EFTUD2: variants seen among roughly 807,000 people sequenced by gnomAD.
The protein encoded by EFTUD2 is elongation factor Tu GTP binding domain containing 2.
Under a neutral mutation model 114.3 loss-of-function variants are expected in EFTUD2, and 9 were observed. That is an observed-to-expected ratio of 0.08 (90% CI 0.05 to 0.14). The LOEUF (loss-of-function observed/expected upper bound fraction) is 0.14, where lower values mean the gene tolerates loss of function less well. EFTUD2 is among the 10% of genes least tolerant of loss of function. EFTUD2 has a pLI of 1.00. For synonymous variants in EFTUD2, 449 were observed against 462.3 expected, an observed-to-expected ratio of 0.97 and a Z score of 0.37; for missense variants, 765 against 1,241.2, an observed-to-expected ratio of 0.62 and a Z score of 5.76.
chr17:44,894,726 T>C (rs964254012), intron 1 of EFTUD2, among the ~76,000 whole-genome samples: 2 of 152,164 alleles, frequency 1.3e-5, no homozygotes, highest in African/African-American at 2.4e-5. Flanking sequence ...TCTATTTATG[T>C]AGTCTTCCCT....
At chr17:44,886,311 T>C (rs867919742) in intron 3 of EFTUD2, among the ~76,000 whole-genome samples, 2 of 152,152 alleles carry the variant, frequency 1.3e-5, no homozygotes, top group Non-Finnish European at 2.9e-5. Context: ...TGGAAAAACA[T>C]ATCAGGCCAC....
chr17:44,859,732 A>T, intron 18 of EFTUD2, 173 bp downstream of exon 18: 1 of 1,025,674 alleles, frequency 9.7e-7, no homozygotes. Context: ...ACATACACAC[A>T]CACACGTGTC....
Position 44,854,784 on chromosome 17 carries a change from C to A in EFTUD2, c.2133-102G>T, listed in dbSNP as rs2050517155. 6.3e-7 allele frequency: 1 copy of A among 1,575,026 alleles called. No homozygotes were observed. The highest frequency in any genetic ancestry group is 8.7e-7 in the Non-Finnish European group (1 of 1,152,722). On this transcript the variant is annotated intron_variant, in intron 21 of 27. Transcript: ENST00000426333. This position sits in a 1 kb window ranked among gnomAD's most constrained non-coding sequence, Gnocchi z 4.3. ...CTGGAAGACAGTCACTTCATCCTAC[C>A]CACTGTGCCCAGAACAAGAGCAAAG...
At chr17:44,876,163 A>G in intron 9 of EFTUD2, 63 bp from the exon 10 acceptor site, 1 of 1,543,960 alleles carries the variant, frequency 6.5e-7, no homozygotes, top group African/African-American at 1.4e-5. Flanking sequence ...TTCAAAGCAG[A>G]ACCAAAGAAG....
chr17:44,881,924 G>A, intron 6 of EFTUD2: 2 of 547,740 alleles, frequency 3.7e-6, no homozygotes, highest in Non-Finnish European at 3.2e-6. Context: ...GTGTGTGGAG[G>A]GATTTTTTTA....
At chr17:44,876,591 G>A (rs963508325) in intron 9 of EFTUD2, among the ~76,000 whole-genome samples, 41 of 152,144 alleles carry the variant, frequency 2.7e-4, no homozygotes, top group Admixed American at 6.5e-5. Flanking sequence ...AGTGGCTCAT[G>A]CCTGTAATTC....
chr17:44,852,406 C>T lies in EFTUD2; in HGVS notation c.2715+3G>A, dbSNP rs1423284766. Reference sequence around the variant, plus strand: ...AGTCCGCCAGCCTGCATTGCTTTCTCACCTGCCAGTGGTGGAAGACAGACA... The same window carrying T: ...AGTCCGCCAGCCTGCATTGCTTTCTTACCTGCCAGTGGTGGAAGACAGACA... On this transcript the variant is annotated splice_donor_region_variant and intron_variant, in intron 26 of 27. Coordinates refer to ENST00000426333, the MANE Select transcript of EFTUD2 (RefSeq NM_004247.4). 1 of 1,613,768 alleles carries T rather than the reference C, an allele frequency of 6.2e-7. No homozygotes were observed. The highest frequency in any genetic ancestry group is 8.5e-7 in the Non-Finnish European group (1 of 1,179,994).
intron 19 of EFTUD2, among the ~76,000 whole-genome samples, chr17:44,858,027 T>C (rs956799438): frequency 2.7e-5 from 4 of 148,640 alleles, no homozygotes; most frequent in African/African-American, 9.9e-5. Flanking sequence ...TTTCAAACAA[T>C]TATCCTGTCT....
intron 11 of EFTUD2, among the ~76,000 whole-genome samples, chr17:44,868,851 G>A (rs954058686): frequency 1.3e-5 from 2 of 152,128 alleles, no homozygotes; most frequent in Non-Finnish European, 2.9e-5. Context: ...CAGCCCTCTC[G>A]AGAGAAAACA....
At position 44,857,110 on chromosome 17, in the gene EFTUD2, G is replaced by A. The variant is rs2050571568; in HGVS notation, c.2010C>T (p.Ser670=). The change falls in exon 20 of 28, where the codon TCC becomes TCT. Residue 670 remains serine (S), a synonymous_variant. Transcript: ENST00000426333. ...VTFCETVVET[S]SLKCFAETPN... is the part of the protein sequence containing the mutation. Reference sequence around the variant, plus strand: ...GCGTTTCAGCAAAGCACTTGAGGGAGGATGTTTCCACCACCGTCTCACAAA... The same window carrying A: ...GCGTTTCAGCAAAGCACTTGAGGGAAGATGTTTCCACCACCGTCTCACAAA... 1 of 1,613,996 alleles carries A rather than the reference G, an allele frequency of 6.2e-7. No homozygotes were observed. The highest frequency in any genetic ancestry group is 1.1e-5 in the South Asian group (1 of 91,068).
rs747182001 is a variant in EFTUD2 at position 44,875,968 on chromosome 17, G to A, written c.835C>T (p.Arg279Cys). Residue 279 changes from arginine to cysteine, a missense_variant, in exon 10 of 28, where the codon CGC becomes TGC. Arg to Cys is a radical substitution (Grantham distance 180). This residue lies in a region of EFTUD2 where 251 missense variants were observed against 357.7 expected (regional missense o/e 0.70). Transcript: ENST00000426333. Reference sequence around the variant, plus strand: ...CCATTGACCTCATCCACAATGTGGCGCAGCTTGTAATAAGCATCAGTTGGA... The same window carrying A: ...CCATTGACCTCATCCACAATGTGGCACAGCTTGTAATAAGCATCAGTTGGA... ...LPPTDAYYKL[R>C]HIVDEVNGLI... 1.9e-6 allele frequency: 3 copies of A among 1,613,908 alleles called. No homozygotes were observed. Among genetic ancestry groups the A allele is most frequent in the African/African-American group, 1.3e-5 (1 of 74,896 alleles).
chr17:44,888,570 C>T (rs1357169013), intron 2 of EFTUD2, among the ~76,000 whole-genome samples: 2 of 152,078 alleles, frequency 1.3e-5, no homozygotes, highest in Non-Finnish European at 2.9e-5. Context: ...GTGGTGGTGG[C>T]TTGGAGTAGA....
chr17:44,864,571 G>C (rs1038276441), intron 14 of EFTUD2, among the ~76,000 whole-genome samples: 1 of 152,082 alleles, frequency 6.6e-6, no homozygotes, highest in Non-Finnish European at 1.5e-5. Flanking sequence ...AACTAACCAA[G>C]TCTCCCAAGT....
intron 19 of EFTUD2, among the ~76,000 whole-genome samples, chr17:44,858,803 G>C (rs1043559838): frequency 3.9e-5 from 6 of 151,996 alleles, no homozygotes; most frequent in African/African-American, 1.5e-4. Context: ...GCTCAGGTTG[G>C]TCTTGAATTC....
intron 4 of EFTUD2, 52 bp from the exon 5 acceptor site, chr17:44,883,776 G>A (rs1165049334): frequency 1.9e-6 from 3 of 1,570,964 alleles, no homozygotes; most frequent in East Asian, 2.2e-5. Flanking sequence ...GTTTCCAAAT[G>A]AGGAGTGGTG....
intron 5 of EFTUD2, 169 bp downstream of exon 5, chr17:44,883,480 G>A: frequency 1.5e-6 from 1 of 679,600 alleles, no homozygotes; most frequent in Non-Finnish European, 2.5e-6. Flanking sequence ...CCTGCTGCTT[G>A]GGAAAAGCCA....
At chr17:44,889,163 C>T (rs1026026171) in intron 2 of EFTUD2, among the ~76,000 whole-genome samples, 5 of 152,074 alleles carry the variant, frequency 3.3e-5, no homozygotes, top group Non-Finnish European at 4.4e-5. Flanking sequence ...CTGGGACAGA[C>T]GGATGCAGGC....
intron 10 of EFTUD2, 109 bp downstream of exon 10, chr17:44,875,825 A>G: frequency 7.0e-7 from 1 of 1,421,412 alleles, no homozygotes; most frequent in Non-Finnish European, 9.6e-7. Context: ...TTTGCCCAAC[A>G]AACTCATCAA....
chr17:44,883,260 G>A, intron 5 of EFTUD2, 102 bp from the exon 6 acceptor site: 1 of 1,022,688 alleles, frequency 9.8e-7, no homozygotes, highest in African/African-American at 1.6e-5. Context: ...GATAAGGAGA[G>A]AAAAAGGAGA....
Sources: gnomAD v4.1 joint callset for allele counts (sites outside exome capture counted in the v4.1 genomes callset) on GRCh38, gnomAD v4.1.1 for gene constraint, gnomAD v4.1.1 regional missense constraint, Gnocchi (gnomAD v3.1) non-coding constraint, MANE v1.5 for transcripts, NCBI Gene and HGNC (gene_info 2026-07-23, HGNC 2026-07-21) for gene names.